The following TTC8 variants were observed in gnomAD, a reference collection of about 807,000 sequenced individuals.
The protein encoded by TTC8 is tetratricopeptide repeat protein 8.
Under a neutral mutation model 72.5 loss-of-function variants are expected in TTC8, and 47 were observed. That is an observed-to-expected ratio of 0.65 (90% CI 0.51 to 0.83). The LOEUF (loss-of-function observed/expected upper bound fraction) is 0.83, where lower values mean the gene tolerates loss of function less well. Ranked by LOEUF, TTC8 falls within the 40% of genes least tolerant of loss-of-function variation. The probability of loss-of-function intolerance (pLI) is 0.00; values close to 1 mark genes in which losing one functional copy is unlikely to be tolerated. For synonymous variants in TTC8, 199 were observed against 221.4 expected, an observed-to-expected ratio of 0.90 and a Z score of 0.90; for missense variants, 611 against 623.2, an observed-to-expected ratio of 0.98 and a Z score of 0.21.
At chr14:88,824,646 T>A (rs1250928780), upstream of TTC8, 3 of 1,408,880 alleles carry the variant, frequency 2.1e-6, no homozygotes, top group South Asian at 1.2e-5. Flanking sequence ...CGCCGCCAGC[T>A]CTTCACTCCA....
At chr14:88,874,110 A>C (rs1219240061) in intron 13 of TTC8, among the ~76,000 whole-genome samples, 1 of 152,176 alleles carries the variant, frequency 6.6e-6, no homozygotes, top group Non-Finnish European at 1.5e-5. Flanking sequence ...CTCTGTTCCC[A>C]TATTGGTAAT....
chr14:88,825,415 C>T (rs970142374), intron 1 of TTC8, among the ~76,000 whole-genome samples: 1 of 152,104 alleles, frequency 6.6e-6, no homozygotes, highest in African/African-American at 2.4e-5. Context: ...GCAAGGGAAG[C>T]TCTAATTGTA....
At chr14:88,874,385 A>G (rs1056343093) in intron 13 of TTC8, among the ~76,000 whole-genome samples, 1 of 152,162 alleles carries the variant, frequency 6.6e-6, no homozygotes, top group African/African-American at 2.4e-5. Flanking sequence ...ATGTATAAGC[A>G]TCTCATGCTG....
intron 1 of TTC8, among the ~76,000 whole-genome samples, chr14:88,829,319 TA>T (rs145660097): frequency 6.6e-6 from 1 of 152,314 alleles, no homozygotes; most frequent in East Asian, 1.9e-4. Context: ...TTGTAAGATA[TA>T]AAAAGAGGAA....
intron 10 of TTC8, among the ~76,000 whole-genome samples, chr14:88,865,428 G>C (rs1156307831): frequency 1.3e-5 from 2 of 152,140 alleles, no homozygotes; most frequent in Non-Finnish European, 2.9e-5. Context: ...CAGAACTTTG[G>C]GATGCAGAGG....
chr14:88,858,001 G>T (rs2094865167), intron 9 of TTC8, among the ~76,000 whole-genome samples: 1 of 144,072 alleles, frequency 6.9e-6, no homozygotes, highest in Non-Finnish European at 1.5e-5. Flanking sequence ...TTGCTCTGTT[G>T]CCCAGGCTGG....
chr14:88,839,307 G>T, intron 2 of TTC8, 145 bp from the exon 3 acceptor site: 3 of 755,978 alleles, frequency 4.0e-6, no homozygotes, highest in Non-Finnish European at 6.1e-6. Flanking sequence ...TTTTGACATG[G>T]CCCTTTAAAT....
upstream of TTC8, chr14:88,824,529 T>G (rs373307865): frequency 5.0e-6 from 3 of 598,348 alleles, no homozygotes; most frequent in African/African-American, 5.6e-5. Flanking sequence ...GCAAGCCCTG[T>G]AGCCGAGTTC....
intron 1 of TTC8, 111 bp downstream of exon 1, chr14:88,824,932 G>A (rs2094691934): frequency 2.8e-6 from 3 of 1,079,314 alleles, no homozygotes; most frequent in Non-Finnish European, 2.8e-6. Context: ...AGGCGGGGCT[G>A]ACCGTTCGGC....
intron 13 of TTC8, among the ~76,000 whole-genome samples, chr14:88,874,009 G>A (rs983623559): frequency 3.9e-5 from 6 of 152,200 alleles, no homozygotes. Context: ...AGATAGATTT[G>A]TAGTTTACAG....
intron 10 of TTC8, among the ~76,000 whole-genome samples, chr14:88,864,965 C>CT (rs947348892): frequency 2.0e-5 from 3 of 151,926 alleles, no homozygotes; most frequent in African/African-American, 4.8e-5. Flanking sequence ...ATGTTCTCTT[C>CT]TTTTTTTTAT....
rs763859150 is a variant in TTC8, at chr14:88,824,826, C to G, written c.114+5C>G. On this transcript the variant is annotated splice_donor_5th_base_variant and intron_variant, in intron 1 of 14. Coordinates refer to ENST00000380656, the MANE Select transcript of TTC8 (RefSeq NM_144596.4). ...GAGAAGTCCCCTTATGACCAGGTACCGGCCAGCTCCCGTCAGCCTGTGCAT... is the reference window on the plus strand; with the variant it reads ...GAGAAGTCCCCTTATGACCAGGTACGGGCCAGCTCCCGTCAGCCTGTGCAT... 6 of 1,609,262 alleles carry G rather than the reference C, an allele frequency of 3.7e-6. No homozygotes were observed. In the East Asian group the frequency reaches 1.3e-4, roughly 36 times the overall value.
At chr14:88,879,660 T>C (rs914644895), downstream of TTC8, 2 of 64,542 alleles carry the variant, frequency 3.1e-5, no homozygotes, top group Admixed American at 1.3e-4. Context: ...ACATTATTAT[T>C]ATTATTATTA....
chr14:88,843,530 T>G (rs769415371), intron 6 of TTC8, among the ~76,000 whole-genome samples: 10 of 152,182 alleles, frequency 6.6e-5, no homozygotes, highest in Non-Finnish European at 1.0e-4. Flanking sequence ...TGCATCTGTT[T>G]TACGACAATT....
chr14:88,864,437 T>C (rs2094901169), intron 10 of TTC8, among the ~76,000 whole-genome samples: 1 of 152,216 alleles, frequency 6.6e-6, no homozygotes, highest in African/African-American at 2.4e-5. Context: ...CCTTTTGCCC[T>C]TCTCTTCTTA....
intron 9 of TTC8, among the ~76,000 whole-genome samples, chr14:88,860,784 A>G (rs1002283609): frequency 2.6e-5 from 4 of 151,586 alleles, no homozygotes; most frequent in Non-Finnish European, 4.4e-5. Context: ...AATCCTGCAC[A>G]TTTTTGAAAA....
chr14:88,841,603 G>T (rs1229805000), intron 6 of TTC8, 89 bp downstream of exon 6: 1 of 1,100,592 alleles, frequency 9.1e-7, no homozygotes, highest in Admixed American at 1.7e-5. Flanking sequence ...AACTTGTGAA[G>T]GAAAGGCCAT....
intron 7 of TTC8, among the ~76,000 whole-genome samples, chr14:88,851,897 ATAAT>A (rs1159572247): frequency 5.9e-5 from 9 of 152,206 alleles, no homozygotes; most frequent in Admixed American, 1.3e-4. Flanking sequence ...ACAAGGAAAA[ATAAT>A]TAATTATACA....
At chr14:88,853,669 A>G (rs2094843760) in intron 8 of TTC8, among the ~76,000 whole-genome samples, 1 of 152,210 alleles carries the variant, frequency 6.6e-6, no homozygotes, top group Non-Finnish European at 1.5e-5. Context: ...TGTTTCCACA[A>G]TTCCATATTG....
Sources: gnomAD v4.1 joint callset for allele counts (sites outside exome capture counted in the v4.1 genomes callset) on GRCh38, gnomAD v4.1.1 for gene constraint, MANE v1.5 for transcripts, NCBI Gene and HGNC (gene_info 2026-07-23, HGNC 2026-07-21) for gene names.